OR6N1: variants seen among roughly 807,000 people sequenced by gnomAD.
The protein encoded by OR6N1 is olfactory receptor 6N1.
For missense variants in OR6N1, 394 were observed against 371.7 expected, an observed-to-expected ratio of 1.06 and a Z score of -0.49; for synonymous variants, 170 against 150.7, an observed-to-expected ratio of 1.13 and a Z score of -0.94.
At chr1:158,775,071 C>G (rs1475628648), upstream of OR6N1, 1 of 152,222 alleles carries the variant, frequency 6.6e-6, no homozygotes, top group African/African-American at 2.4e-5. Flanking sequence ...TAATTTGAGA[C>G]CAAATCTAGT....
At position 158,766,001 on chromosome 1, in the gene OR6N1, T is replaced by C. The variant is rs1251668910; in HGVS notation, c.682A>G (p.Ile228Val). ...TTCCTCTTGCCGGCAGCTGAGGGAA[T>C]TCTGAGCACTGTGCAGATGATCTGC... The part of the protein sequence containing the change: ...YVQIICTVLR[I>V]PSAAGKRKAI... The change falls in exon 2 of 2, where the codon ATT (isoleucine) becomes GTT (valine). Residue 228 changes from isoleucine to valine, a missense_variant. Coordinates refer to ENST00000641846, the MANE Select transcript of OR6N1 (RefSeq NM_001005185.2). 3.7e-6 allele frequency: 6 copies of C among 1,614,052 alleles called. No homozygotes were observed. The highest frequency in any genetic ancestry group is 3.3e-5 in the Admixed American group (2 of 59,992).
chr1:158,773,540 T>C (rs1657476085), upstream of OR6N1, among the ~76,000 whole-genome samples: 2 of 152,270 alleles, frequency 1.3e-5, no homozygotes, highest in Admixed American at 6.5e-5. Flanking sequence ...GGGGTAAATG[T>C]TTAACAACTG....
At chr1:158,792,548 A>G in the OR6N1 span, among the ~76,000 whole-genome samples, 1 of 152,192 alleles carries the variant, frequency 6.6e-6, no homozygotes. Context: ...AACTCCCCTT[A>G]GCATTTCTTG....
At chr1:158,802,425 G>T in the OR6N1 span, among the ~76,000 whole-genome samples, 30 of 152,030 alleles carry the variant, frequency 2.0e-4, no homozygotes, top group Admixed American at 1.7e-3. Flanking sequence ...AGCCAAGATG[G>T]TCTCGCTCTC....
upstream of OR6N1, among the ~76,000 whole-genome samples, chr1:158,773,891 C>G (rs1475955398): frequency 6.6e-6 from 1 of 152,020 alleles, no homozygotes; most frequent in Non-Finnish European, 1.5e-5. Context: ...CTGTCCTTAC[C>G]ACTTTAGTGC....
At chr1:158,826,383 A>G in the OR6N1 span, among the ~76,000 whole-genome samples, 2 of 152,198 alleles carry the variant, frequency 1.3e-5, no homozygotes, top group African/African-American at 4.8e-5. Flanking sequence ...AAGAAAAGAG[A>G]GAAATAAAAA....
chr1:158,771,836 C>A (rs1313819548), intron 1 of OR6N1, among the ~76,000 whole-genome samples, 185 bp downstream of exon 1: 5 of 152,230 alleles, frequency 3.3e-5, no homozygotes, highest in African/African-American at 1.2e-4. Flanking sequence ...TGAAGCCAGA[C>A]TCTTCACTAT....
intron 1 of OR6N1, among the ~76,000 whole-genome samples, chr1:158,769,080 C>A (rs1657348191): frequency 6.6e-6 from 1 of 152,082 alleles, no homozygotes; most frequent in African/African-American, 2.4e-5. Flanking sequence ...AAGATAACTG[C>A]TAATTTGCAT....
At chr1:158,810,291 G>A in the OR6N1 span, among the ~76,000 whole-genome samples, 5 of 151,772 alleles carry the variant, frequency 3.3e-5, no homozygotes, top group Non-Finnish European at 4.4e-5. Flanking sequence ...TCATCTTTTC[G>A]GCCCCACTCC....
upstream of OR6N1, chr1:158,775,699 C>A (rs961744891): frequency 6.6e-6 from 1 of 151,698 alleles, no homozygotes. Flanking sequence ...GGTAGAAACA[C>A]TAAAGAGTAT....
chr1:158,801,935 A>T, the OR6N1 span, among the ~76,000 whole-genome samples: 19 of 151,960 alleles, frequency 1.3e-4, no homozygotes, highest in Admixed American at 1.2e-3. Flanking sequence ...CATCTTTTCT[A>T]CCCCAAGACA....
the OR6N1 span, among the ~76,000 whole-genome samples, chr1:158,816,779 G>C: frequency 6.6e-6 from 1 of 152,194 alleles, no homozygotes; most frequent in African/African-American, 2.4e-5. Context: ...TCCCATCTCT[G>C]CTCTGGATAT....
At chr1:158,817,512 A>T in the OR6N1 span, among the ~76,000 whole-genome samples, 2 of 152,184 alleles carry the variant, frequency 1.3e-5, no homozygotes, top group Admixed American at 6.5e-5. Flanking sequence ...TTTATATATT[A>T]ATTTTCTAGT....
chr1:158,777,706 T>A, the OR6N1 span: 19 of 913,232 alleles, frequency 2.1e-5, no homozygotes, highest in East Asian at 4.7e-4. Context: ...TGCCAAAACT[T>A]CATTTCTCTC....
chr1:158,831,701 C>T, the OR6N1 span: 1 of 152,132 alleles, frequency 6.6e-6, no homozygotes, highest in Non-Finnish European at 1.5e-5. Flanking sequence ...CTTTAACTGT[C>T]TAGGTAGCAA....
the OR6N1 span, among the ~76,000 whole-genome samples, chr1:158,805,384 G>A: frequency 6.6e-6 from 1 of 152,156 alleles, no homozygotes; most frequent in African/African-American, 2.4e-5. Flanking sequence ...TCACACTAAG[G>A]CACTACTTCT....
the OR6N1 span, among the ~76,000 whole-genome samples, chr1:158,810,907 C>T: frequency 7.3e-5 from 11 of 150,516 alleles, no homozygotes; most frequent in South Asian, 2.1e-4. Flanking sequence ...AATACATGTG[C>T]GGTACATGTA....
At chr1:158,831,026 G>A in the OR6N1 span, among the ~76,000 whole-genome samples, 1 of 152,180 alleles carries the variant, frequency 6.6e-6, no homozygotes, top group Non-Finnish European at 1.5e-5. Flanking sequence ...AACAGGAAAG[G>A]AGGGAGAAAC....
intron 1 of OR6N1, among the ~76,000 whole-genome samples, chr1:158,770,131 G>A (rs1044999016): frequency 6.6e-6 from 1 of 152,144 alleles, no homozygotes; most frequent in Admixed American, 6.5e-5. Flanking sequence ...TAAATTTTCA[G>A]ATCTACATGG....
Sources: allele counts gnomAD v4.1 joint callset (sites outside exome capture counted in the v4.1 genomes callset), GRCh38; gene constraint gnomAD v4.1.1; transcripts MANE v1.5; gene names NCBI Gene and HGNC (gene_info 2026-07-23, HGNC 2026-07-21).